Variants in TPTE observed in about 807,000 individuals in gnomAD.
The protein encoded by TPTE is putative tyrosine-protein phosphatase TPTE.
Under a neutral mutation model 84.1 loss-of-function variants are expected in TPTE, and 59 were observed. The observed-to-expected ratio is 0.70, with a 90% CI of 0.57 to 0.87. The LOEUF is 0.87. Ranked by LOEUF, TPTE falls within the 40% of genes least tolerant of loss-of-function variation. The probability of loss-of-function intolerance (pLI) is 0.00; values close to 1 mark genes in which losing one functional copy is unlikely to be tolerated. For synonymous variants in TPTE, 130 were observed against 223.5 expected, an observed-to-expected ratio of 0.58 and a Z score of 3.73; for missense variants, 382 against 659.6, an observed-to-expected ratio of 0.58 and a Z score of 4.61.
At chr21:10,573,059 T>TTAAAA (rs1555814200) in intron 14 of TPTE, among the ~76,000 whole-genome samples, 20 of 146,772 alleles carry the variant, frequency 1.4e-4, no homozygotes, top group East Asian at 4.0e-4. Flanking sequence ...TGCCAAGATT[T>TTAAAA]AAAAAAAAAA....
At chr21:10,528,200 C>A (rs1469524138) in intron 3 of TPTE, among the ~76,000 whole-genome samples, 92 of 151,322 alleles carry the variant, frequency 6.1e-4, no homozygotes, top group Non-Finnish European at 1.1e-3. Context: ...CAATTTGAAC[C>A]AAAAAAAAAA....
chr21:10,554,992 C>A (rs2074653725), intron 8 of TPTE, among the ~76,000 whole-genome samples: 1 of 152,312 alleles, frequency 6.6e-6, no homozygotes, highest in South Asian at 2.1e-4. Context: ...CCCCCAGAGT[C>A]TGCACAAGAG....
intron 2 of TPTE, 108 bp from the exon 3 acceptor site, chr21:10,527,247 C>A (rs1414265841): frequency 1.3e-5 from 2 of 152,854 alleles, no homozygotes; most frequent in Non-Finnish European, 1.5e-5. Flanking sequence ...TGTCAAAATT[C>A]CTCCGATTTT....
intron 7 of TPTE, among the ~76,000 whole-genome samples, chr21:10,543,758 T>C (rs973355061): frequency 1.3e-5 from 2 of 151,950 alleles, no homozygotes; most frequent in African/African-American, 4.9e-5. Flanking sequence ...GGCAATTTTT[T>C]AAGGGATTCA....
At chr21:10,578,978 A>C (rs1392645795) in intron 17 of TPTE, among the ~76,000 whole-genome samples, 1 of 152,306 alleles carries the variant, frequency 6.6e-6, no homozygotes, top group African/African-American at 2.4e-5. Flanking sequence ...TTTTATTTTT[A>C]AATTAACAAA....
At chr21:10,565,966 A>G (rs1197890098) in intron 10 of TPTE, among the ~76,000 whole-genome samples, 1 of 152,310 alleles carries the variant, frequency 6.6e-6, no homozygotes, top group African/African-American at 2.4e-5. Context: ...TACTTGGGCT[A>G]TACCTGACAA....
At chr21:10,589,220 G>A (rs1480443464) in intron 17 of TPTE, among the ~76,000 whole-genome samples, 2 of 152,382 alleles carry the variant, frequency 1.3e-5, no homozygotes, top group Admixed American at 6.5e-5. Context: ...CTTCTCCCTA[G>A]AGGGTGTGAC....
intron 3 of TPTE, among the ~76,000 whole-genome samples, chr21:10,533,840 T>C (rs1294329129): frequency 7.9e-5 from 12 of 152,408 alleles, no homozygotes; most frequent in African/African-American, 2.9e-4. Context: ...AGTGCAAGAA[T>C]GATTCGTGAG....
At position 10,592,329 on chromosome 21, in the gene TPTE, A is replaced by G. The variant is rs1363177690; in HGVS notation, c.1126A>G (p.Lys376Glu). The change falls in exon 19 of 24, where the codon AAA becomes GAA. Residue 376 changes from lysine to glutamate, a missense_variant. Transcript: ENST00000618007. The stretch of plus-strand genomic sequence containing the variant: ...TTATTTTGGAGAAAGGCGAACAGAT[A>G]AAACCCACAGCGAAAAATTTCAGGG... ...LYYFGERRTD[K>E]THSEKFQGVK... 1 of 1,613,356 alleles carries G rather than the reference A, an allele frequency of 6.2e-7. No individual in the cohort carries two copies. Among genetic ancestry groups the G allele is most frequent in the Non-Finnish European group, 8.5e-7 (1 of 1,179,340 alleles).
intron 7 of TPTE, among the ~76,000 whole-genome samples, chr21:10,548,869 T>A (rs2074520767): frequency 6.6e-6 from 1 of 152,308 alleles, no homozygotes; most frequent in African/African-American, 2.4e-5. Flanking sequence ...CCTGAGAAAC[T>A]GTCCTGCAAA....
At chr21:10,559,049 T>G (rs1787143394) in intron 8 of TPTE, among the ~76,000 whole-genome samples, 1 of 152,308 alleles carries the variant, frequency 6.6e-6, no homozygotes. Context: ...AAGAGCATCA[T>G]TTACTCCCTA....
At chr21:10,591,563 G>C (rs1401511604) in intron 18 of TPTE, among the ~76,000 whole-genome samples, 1 of 152,310 alleles carries the variant, frequency 6.6e-6, no homozygotes, top group Admixed American at 6.5e-5. Context: ...GTGTCTCCTA[G>C]GTTTATTAAT....
chr21:10,542,196 C>T (rs1387195884), intron 5 of TPTE, among the ~76,000 whole-genome samples, 199 bp from the exon 6 acceptor site: 10 of 152,422 alleles, frequency 6.6e-5, no homozygotes, highest in Middle Eastern at 3.4e-3. Flanking sequence ...TATTTTCCCC[C>T]GCCTAAGATT....
At chr21:10,592,805 G>GGTTTGTGT (rs1555820854) in intron 19 of TPTE, among the ~76,000 whole-genome samples, 2 of 148,852 alleles carry the variant, frequency 1.3e-5, no homozygotes, top group African/African-American at 2.5e-5. Flanking sequence ...GATGACTCCT[G>GGTTTGTGT]GTGTGTGTGT....
intron 8 of TPTE, among the ~76,000 whole-genome samples, chr21:10,558,528 G>A (rs554986499): frequency 2.6e-5 from 4 of 152,302 alleles, no homozygotes; most frequent in Admixed American, 1.3e-4. Flanking sequence ...TCATATGTTT[G>A]TTGGCCACAT....
At chr21:10,530,532 C>T (rs1198048393) in intron 3 of TPTE, among the ~76,000 whole-genome samples, 1 of 152,306 alleles carries the variant, frequency 6.6e-6, no homozygotes, top group Admixed American at 6.5e-5. Context: ...TTGCTTTTAA[C>T]TGGTATGAAA....
At chr21:10,568,723 AG>A (rs2074977548) in intron 11 of TPTE, among the ~76,000 whole-genome samples, 1 of 152,428 alleles carries the variant, frequency 6.6e-6, no homozygotes, top group East Asian at 1.9e-4. Context: ...AAATATAAGA[AG>A]AAAAATACCT....
rs1388209597 is a variant in TPTE, at chr21:10,605,622, C to T, written c.*70C>T. 32 of 1,607,250 alleles carry T rather than the reference C, an allele frequency of 2.0e-5. No individual in the cohort carries two copies. In the African/African-American group the frequency reaches 3.9e-4, roughly 20 times the overall value. On this transcript the variant is annotated 3_prime_UTR_variant, in exon 24 of 24. Coordinates refer to ENST00000618007, the MANE Select transcript of TPTE (RefSeq NM_199261.4). Reference sequence around the variant, plus strand: ...CAACCCTGCCACATGTTCATATATCCTAAATCTATCCTAAATGTTCCTTGA... The same window carrying T: ...CAACCCTGCCACATGTTCATATATCTTAAATCTATCCTAAATGTTCCTTGA...
rs539097017 is a variant in TPTE, at chr21:10,548,042, C to A, written c.174-4615C>A. 2.0e-4 allele frequency among the ~76,000 whole-genome samples: 31 copies of A among 152,418 alleles called. No individual in the cohort carries two copies. The East Asian group carries it at 3.7e-3, about 18-fold the overall frequency. ...CCATCAACCACAGACATGCTCCTGG[C>A]GTGCCCAGTAGCCCTCTGCTTTTAA... On this transcript the variant is annotated intron_variant, in intron 7 of 23. Transcript: ENST00000618007.
Sources: allele counts gnomAD v4.1 joint callset (sites outside exome capture counted in the v4.1 genomes callset), GRCh38; gene constraint gnomAD v4.1.1; transcripts MANE v1.5; gene names NCBI Gene and HGNC (gene_info 2026-07-23, HGNC 2026-07-21).